KRABD2: variants seen among roughly 807,000 people sequenced by gnomAD.
The protein encoded by KRABD2 is KRAB domain containing 2, also known as KRAB domain-containing protein 2.
chr17:8,375,697 CT>C, the KRABD2 span: 1 of 182,422 alleles, frequency 5.5e-6, no homozygotes, highest in East Asian at 1.6e-4. Context: ...TTTTTCTTTT[CT>C]TTCTTTTTTT....
the KRABD2 span, chr17:8,376,503 A>T: frequency 1.0e-6 from 1 of 998,260 alleles, no homozygotes; most frequent in East Asian, 1.0e-4. Context: ...TCCTTTGTGT[A>T]GCCTTCCTAC....
chr17:8,365,383 G>T, the KRABD2 span, among the ~76,000 whole-genome samples: 1 of 152,178 alleles, frequency 6.6e-6, no homozygotes, highest in East Asian at 1.9e-4. Context: ...CTCAGTCAAA[G>T]TTGGACCTCC....
chr17:8,371,529 A>C, the KRABD2 span: 1 of 1,601,990 alleles, frequency 6.2e-7, no homozygotes. Flanking sequence ...CCAGGAATGA[A>C]GGCATGCAGC....
chr17:8,359,837 G>C, the KRABD2 span: 2 of 456,000 alleles, frequency 4.4e-6, no homozygotes, highest in Non-Finnish European at 4.4e-6. Context: ...CTACATTTAA[G>C]GCAGCCATTT....
the KRABD2 span, chr17:8,371,282 T>G: frequency 2.0e-6 from 3 of 1,532,582 alleles, no homozygotes. Context: ...TCCACAAGAT[T>G]AATAAAGGAA....
chr17:8,359,972 C>T, the KRABD2 span: 1 of 387,380 alleles, frequency 2.6e-6, no homozygotes, highest in South Asian at 1.9e-5. Flanking sequence ...CATCTGGCCA[C>T]TGAATGACTC....
At chr17:8,363,829 A>ATATATATATAT in the KRABD2 span, among the ~76,000 whole-genome samples, 1 of 47,910 alleles carries the variant, frequency 2.1e-5, no homozygotes, top group Non-Finnish European at 3.8e-5. Context: ...TATATATCAT[A>ATATATATATAT]CATATATATA....
the KRABD2 span, chr17:8,376,006 T>C: frequency 0.67 from 820,227 of 1,231,134 alleles, 275,251 homozygotes; most frequent in African/African-American, 0.74. Context: ...TCAGTAACTT[T>C]AGCTGATTGC....
chr17:8,374,700 A>C, the KRABD2 span, among the ~76,000 whole-genome samples: 1 of 150,496 alleles, frequency 6.6e-6, no homozygotes, highest in African/African-American at 2.4e-5. Flanking sequence ...TAACCCCAGC[A>C]CTTTAGGAGG....
At chr17:8,360,623 C>T in the KRABD2 span, among the ~76,000 whole-genome samples, 15 of 152,184 alleles carry the variant, frequency 9.9e-5, no homozygotes, top group South Asian at 2.5e-3. Context: ...TTTTGCCATC[C>T]GTCAACTTTT....
chr17:8,373,178 CA>C, the KRABD2 span, among the ~76,000 whole-genome samples: 1 of 148,840 alleles, frequency 6.7e-6, no homozygotes, highest in African/African-American at 2.6e-5. Context: ...TCTCCGTCTC[CA>C]CGGTCTCCCT....
the KRABD2 span, chr17:8,369,394 G>C: frequency 6.2e-7 from 1 of 1,614,212 alleles, no homozygotes; most frequent in Admixed American, 1.7e-5. Flanking sequence ...GCCTCAAATG[G>C]ACTTTGCTGC....
the KRABD2 span, among the ~76,000 whole-genome samples, chr17:8,365,154 G>A: frequency 3.0e-3 from 456 of 152,308 alleles, 3 homozygotes; most frequent in African/African-American, 0.011. Flanking sequence ...GCCAGACTGG[G>A]TCCAGGAATC....
chr17:8,360,507 A>T, the KRABD2 span, among the ~76,000 whole-genome samples: 2 of 152,168 alleles, frequency 1.3e-5, no homozygotes, highest in Admixed American at 6.5e-5. Flanking sequence ...GATTAGCACC[A>T]TGATAAAAAT....
chr17:8,371,786 T>C, the KRABD2 span: 1 of 1,201,398 alleles, frequency 8.3e-7, no homozygotes, highest in Non-Finnish European at 1.0e-6. Context: ...TGGCAGGATC[T>C]GTTTCCAATG....
chr17:8,374,258 G>A, the KRABD2 span, among the ~76,000 whole-genome samples: 1 of 152,370 alleles, frequency 6.6e-6, no homozygotes, highest in East Asian at 1.9e-4. Context: ...AGACATAGGA[G>A]ACTCCATTTT....
chr17:8,374,296 C>T, the KRABD2 span, among the ~76,000 whole-genome samples: 1 of 152,210 alleles, frequency 6.6e-6, no homozygotes, highest in Non-Finnish European at 1.5e-5. Context: ...ATTCTTCTGC[C>T]TTGGGATGCT....
At chr17:8,371,212 G>A in the KRABD2 span, 2 of 1,112,416 alleles carry the variant, frequency 1.8e-6, no homozygotes, top group South Asian at 3.0e-5. Context: ...TCCTTATCTT[G>A]GGGAATCGAG....
chr17:8,374,074 G>A, the KRABD2 span, among the ~76,000 whole-genome samples: 1 of 152,044 alleles, frequency 6.6e-6, no homozygotes, highest in Non-Finnish European at 1.5e-5. Flanking sequence ...CGGCCGCCCC[G>A]TCTGGGAAGT....
Sources: allele counts gnomAD v4.1 joint callset (sites outside exome capture counted in the v4.1 genomes callset), GRCh38; gene constraint gnomAD v4.1.1; transcripts MANE v1.5; gene names NCBI Gene and HGNC (gene_info 2026-07-23, HGNC 2026-07-21).